The following PRORP variants were observed in gnomAD, a reference collection of about 807,000 sequenced individuals.
PRORP encodes protein only RNase P catalytic subunit.
A neutral mutation model predicts 59.4 loss-of-function variants in PRORP; 51 were observed. The observed-to-expected ratio is 0.86, with a 90% CI of 0.69 to 1.08. The LOEUF is 1.08. Among genes scored for constraint, PRORP ranks in the 50% least tolerant of loss-of-function variants. PRORP has a pLI of 0.00. For synonymous variants in PRORP, 231 were observed against 245.6 expected (o/e 0.94, Z 0.55); for missense variants, 646 against 690.3 (o/e 0.94, Z 0.72).
intron 5 of PRORP, among the ~76,000 whole-genome samples, chr14:35,260,497 C>T (rs2050876238): frequency 6.6e-6 from 1 of 152,174 alleles, no homozygotes; most frequent in African/African-American, 2.4e-5. Context: ...TAACTAGTAA[C>T]TTCAAGTATT....
Position 35,175,350 on chromosome 14 carries a change from G to C in PRORP, c.1168-5320G>C, listed in dbSNP as rs538793595. 2.6e-5 allele frequency among the ~76,000 whole-genome samples: 4 copies of C among 152,128 alleles called. No homozygotes were observed. The South Asian group carries it at 6.2e-4, about 24-fold the overall frequency. The stretch of plus-strand genomic sequence containing the variant: ...TCCACAATGGTTGAACTAGTTTACA[G>C]TCCCACCAACAGTGTAAAAGTGTTC... On this transcript the variant is annotated intron_variant, in intron 4 of 7. Coordinates refer to ENST00000534898, the MANE Select transcript of PRORP (RefSeq NM_014672.4).
chr14:35,171,965 G>A (rs1369662181), intron 4 of PRORP, among the ~76,000 whole-genome samples: 1 of 151,136 alleles, frequency 6.6e-6, no homozygotes, highest in Non-Finnish European at 1.5e-5. Context: ...TTTTGGTTCT[G>A]TAATGTTCAT....
chr14:35,134,161 T>C (rs1342501576), intron 4 of PRORP, among the ~76,000 whole-genome samples: 1 of 152,166 alleles, frequency 6.6e-6, no homozygotes, highest in Non-Finnish European at 1.5e-5. Context: ...GGTGTTCTGT[T>C]GTATTGTGGC....
At chr14:35,205,482 G>T (rs953714314) in intron 5 of PRORP, among the ~76,000 whole-genome samples, 1 of 152,030 alleles carries the variant, frequency 6.6e-6, no homozygotes, top group Non-Finnish European at 1.5e-5. Flanking sequence ...GAGGCACCAT[G>T]CCTGGCCTAC....
At chr14:35,229,755 G>C (rs745471166) in intron 5 of PRORP, among the ~76,000 whole-genome samples, 9 of 152,120 alleles carry the variant, frequency 5.9e-5, no homozygotes, top group Non-Finnish European at 1.3e-4. Context: ...AATGAGAAAG[G>C]CTTAATTGAC....
chr14:35,192,005 A>G (rs144700290), intron 5 of PRORP, among the ~76,000 whole-genome samples: 1 of 152,238 alleles, frequency 6.6e-6, no homozygotes, highest in East Asian at 1.9e-4. Flanking sequence ...TCTCTCACCA[A>G]AACTCCTAAG....
At chr14:35,245,048 T>TA (rs2050451485) in intron 5 of PRORP, among the ~76,000 whole-genome samples, 3 of 152,302 alleles carry the variant, frequency 2.0e-5, no homozygotes, top group South Asian at 4.1e-4. Context: ...GAGCTAGTCT[T>TA]ACAAAACAGA....
Position 35,260,791 on chromosome 14 carries a change from C to A in PRORP, c.1276-5936C>A, listed in dbSNP as rs181549580. ...CACCCCCTTTTTGAAGGGTATTTAA[C>A]AGTCAAGTGCTGTCTTTGTTCTTAG... On this transcript the variant is annotated intron_variant, in intron 5 of 7. Transcript: ENST00000534898. 1.1e-3 allele frequency among the ~76,000 whole-genome samples: 166 copies of A among 152,292 alleles called. 1 individual carries two copies. Among genetic ancestry groups the A allele is most frequent in the African/African-American group, 3.7e-3 (153 of 41,556 alleles).
intron 5 of PRORP, among the ~76,000 whole-genome samples, chr14:35,260,785 A>G (rs1451643920): frequency 6.6e-6 from 1 of 152,188 alleles, no homozygotes; most frequent in Non-Finnish European, 1.5e-5. Flanking sequence ...TTTGAAGGGT[A>G]TTTAACAGTC....
At chr14:35,234,206 A>T (rs2050149289) in intron 5 of PRORP, among the ~76,000 whole-genome samples, 1 of 152,226 alleles carries the variant, frequency 6.6e-6, no homozygotes, top group Non-Finnish European at 1.5e-5. Context: ...AGTTGAAATC[A>T]GATGGAAAGG....
intron 5 of PRORP, among the ~76,000 whole-genome samples, chr14:35,251,695 C>T (rs1405581721): frequency 6.6e-6 from 1 of 152,020 alleles, no homozygotes; most frequent in African/African-American, 2.4e-5. Context: ...ACTGGGATTA[C>T]AGGCGCCCAC....
chr14:35,270,456 A>C lies in PRORP; in HGVS notation c.1480A>C (p.Arg494=). 6.2e-7 allele frequency: 1 copy of C among 1,614,192 alleles called. No homozygotes were observed. The highest frequency in any genetic ancestry group is 1.3e-5 in the African/African-American group (1 of 75,050). ...CACACTGCACTCCGGGAATCACTGC[A>C]GGTTTATCACAAGAGACCTGATGCG... ...YATLHSGNHC[R]FITRDLMRDH... The change falls in exon 7 of 8, where the codon AGG becomes CGG. Residue 494 remains arginine (R), a synonymous_variant. Coordinates refer to ENST00000534898, the MANE Select transcript of PRORP (RefSeq NM_014672.4).
At chr14:35,188,564 C>G (rs1222553316) in intron 5 of PRORP, among the ~76,000 whole-genome samples, 3 of 151,840 alleles carry the variant, frequency 2.0e-5, no homozygotes, top group Non-Finnish European at 4.4e-5. Flanking sequence ...TTCTCCCAGG[C>G]TTTGGATTCT....
intron 6 of PRORP, among the ~76,000 whole-genome samples, chr14:35,269,266 A>G (rs182032432): frequency 1.3e-5 from 2 of 152,322 alleles, no homozygotes; most frequent in Admixed American, 6.5e-5. Flanking sequence ...GAAAACATAT[A>G]TGTTAGTTGC....
At chr14:35,137,014 A>G (rs1045719910) in intron 4 of PRORP, among the ~76,000 whole-genome samples, 10 of 146,054 alleles carry the variant, frequency 6.8e-5, no homozygotes, top group African/African-American at 2.4e-4. Flanking sequence ...TGTGGACTGA[A>G]GGGATACATT....
chr14:35,201,974 T>TA (rs200018308), intron 5 of PRORP, among the ~76,000 whole-genome samples: 26,446 of 143,994 alleles, frequency 0.18, 2,589 homozygotes, highest in Middle Eastern at 0.24. Context: ...TTATTATTAT[T>TA]TTTTTTTTTT....
At chr14:35,173,700 G>T (rs1490498374) in intron 4 of PRORP, among the ~76,000 whole-genome samples, 2 of 151,782 alleles carry the variant, frequency 1.3e-5, no homozygotes, top group African/African-American at 4.8e-5. Flanking sequence ...ATTTTACCTG[G>T]TATAATTCCC....
At chr14:35,209,372 A>G (rs1024326655) in intron 5 of PRORP, among the ~76,000 whole-genome samples, 1 of 152,152 alleles carries the variant, frequency 6.6e-6, no homozygotes, top group Non-Finnish European at 1.5e-5. Flanking sequence ...ATAAATTTCC[A>G]TAGTCTGTCT....
chr14:35,182,803 A>G (rs73236950), intron 5 of PRORP, among the ~76,000 whole-genome samples: 9,061 of 152,220 alleles, frequency 0.06, 492 homozygotes, highest in Admixed American at 0.18. Flanking sequence ...AGGAAGGATG[A>G]TATCAGTGCG....
Sources: allele counts gnomAD v4.1 joint callset (sites outside exome capture counted in the v4.1 genomes callset), GRCh38; gene constraint gnomAD v4.1.1; transcripts MANE v1.5; gene names NCBI Gene and HGNC (gene_info 2026-07-23, HGNC 2026-07-21).